The following GABRB2 variants were observed in gnomAD, a reference collection of about 807,000 sequenced individuals.
GABRB2 encodes gamma-aminobutyric acid receptor subunit beta-2.
A neutral mutation model predicts 54.7 loss-of-function variants in GABRB2; 16 were observed. The observed-to-expected ratio is 0.29, with a 90% CI of 0.20 to 0.44. The LOEUF (loss-of-function observed/expected upper bound fraction) is 0.44, where lower values mean the gene tolerates loss of function less well. GABRB2 is among the 20% of genes least tolerant of loss of function. The pLI is 1.00. For synonymous variants in GABRB2, 244 were observed against 233.8 expected (o/e 1.04, Z -0.40); for missense variants, 355 against 644.0 (o/e 0.55, Z 4.86).
intron 3 of GABRB2, among the ~76,000 whole-genome samples, chr5:161,541,022 T>C (rs1760794870): frequency 6.6e-6 from 1 of 152,038 alleles, no homozygotes; most frequent in Non-Finnish European, 1.5e-5. Context: ...ATTTTTGTAT[T>C]TTTTGTAGAG....
chr5:161,321,156 C>T (rs1476399285), intron 9 of GABRB2, among the ~76,000 whole-genome samples: 1 of 152,004 alleles, frequency 6.6e-6, no homozygotes, highest in African/African-American at 2.4e-5. Flanking sequence ...TTGAGAAACA[C>T]TGTCATAATG....
rs752236180 is a variant in GABRB2, at chr5:161,289,462, C to T, written c.*4619G>A. Reference sequence around the variant, plus strand: ...TGAAAGGAACAATACTACCTAAGGACAAAATACTATTATTAAAAAAAAAGT... The same window carrying T: ...TGAAAGGAACAATACTACCTAAGGATAAAATACTATTATTAAAAAAAAAGT... On this transcript the variant is annotated 3_prime_UTR_variant, in exon 10 of 10. Transcript: ENST00000393959. 2 of 150,234 alleles carry T rather than the reference C, an allele frequency of 1.3e-5. No individual in the cohort carries two copies. The highest frequency in any genetic ancestry group is 2.1e-4 in the South Asian group (1 of 4,748). 9.3% of individuals were successfully genotyped at this position (150,234 alleles called of 1,614,324 possible).
At chr5:161,537,954 C>T (rs764674336) in intron 3 of GABRB2, among the ~76,000 whole-genome samples, 1 of 151,866 alleles carries the variant, frequency 6.6e-6, no homozygotes, top group Non-Finnish European at 1.5e-5. Flanking sequence ...CTGCTTGGAA[C>T]ATCTATCCAC....
chr5:161,442,454 T>C (rs1476619306), intron 4 of GABRB2, among the ~76,000 whole-genome samples: 1 of 152,194 alleles, frequency 6.6e-6, no homozygotes, highest in African/African-American at 2.4e-5. Context: ...TACTGGCCTG[T>C]AGCCATATGG....
chr5:161,498,807 C>T (rs956784828), intron 3 of GABRB2, among the ~76,000 whole-genome samples: 3 of 152,228 alleles, frequency 2.0e-5, no homozygotes, highest in East Asian at 1.9e-4. Flanking sequence ...TAAAAGCCCT[C>T]GTGGCTTCTG....
chr5:161,518,493 G>A (rs1050705919), intron 3 of GABRB2, among the ~76,000 whole-genome samples: 2 of 152,120 alleles, frequency 1.3e-5, no homozygotes, highest in African/African-American at 4.8e-5. Context: ...TTTTGTGATG[G>A]TTCATAGTAA....
At chr5:161,305,684 C>T (rs905883052) in intron 9 of GABRB2, among the ~76,000 whole-genome samples, 5 of 152,194 alleles carry the variant, frequency 3.3e-5, no homozygotes, top group African/African-American at 1.2e-4. Context: ...GATTTTTGTA[C>T]ACACCATTTA....
At position 161,294,289 on chromosome 5, in the gene GABRB2, G is replaced by C. The variant is rs748111065; in HGVS notation, c.1331C>G (p.Ala444Gly). The change falls in exon 10 of 10, where the codon GCT becomes GGT. Residue 444 changes from alanine to glycine, a missense_variant. This residue lies in a region of GABRB2 where 201 missense variants were observed against 228.1 expected (regional missense o/e 0.88). Transcript: ENST00000393959. ...GCCAAAACTATGCCTGGGCAACCCA[G>C]CTTTCCGATACTGGATGCTGGAGGC... ...YDASSIQYRKAGLPRHSFGRN... is the reference protein window; with the variant it reads ...YDASSIQYRKGGLPRHSFGRN... The C allele has an allele frequency of 1.2e-6, 2 of 1,614,140 alleles. No homozygotes were observed. Among genetic ancestry groups the C allele is most frequent in the Non-Finnish European group, 8.5e-7 (1 of 1,180,012 alleles).
intron 5 of GABRB2, among the ~76,000 whole-genome samples, chr5:161,365,974 A>T (rs1391768795): frequency 6.6e-6 from 1 of 151,654 alleles, no homozygotes; most frequent in East Asian, 1.9e-4. Context: ...GGTTATACTT[A>T]GGTGAGCCTT....
intron 3 of GABRB2, among the ~76,000 whole-genome samples, chr5:161,512,927 AAG>A (rs2113408780): frequency 6.6e-6 from 1 of 152,184 alleles, no homozygotes; most frequent in South Asian, 2.1e-4. Flanking sequence ...GAAGACATAC[AAG>A]AGCAAACAAA....
chr5:161,511,449 A>G (rs1759764662), intron 3 of GABRB2, among the ~76,000 whole-genome samples: 1 of 152,072 alleles, frequency 6.6e-6, no homozygotes, highest in Non-Finnish European at 1.5e-5. Context: ...AGACAAAACC[A>G]AACAAGGCTT....
chr5:161,545,173 T>C, intron 3 of GABRB2, 54 bp downstream of exon 3: 1 of 1,423,218 alleles, frequency 7.0e-7, no homozygotes, highest in Non-Finnish European at 9.7e-7. Flanking sequence ...CATTTCTCCT[T>C]CCTGTCCCCA....
intron 3 of GABRB2, among the ~76,000 whole-genome samples, chr5:161,486,430 C>G (rs536384897): frequency 2.0e-5 from 3 of 151,894 alleles, no homozygotes; most frequent in African/African-American, 4.8e-5. Context: ...CTGGAAAATG[C>G]GCACTGTAAG....
intron 9 of GABRB2, among the ~76,000 whole-genome samples, chr5:161,306,222 C>G (rs1239984979): frequency 6.6e-6 from 1 of 152,212 alleles, no homozygotes; most frequent in East Asian, 1.9e-4. Flanking sequence ...TAACCTGCCT[C>G]TAGTTTTCTG....
At chr5:161,546,134 A>G (rs1245640521) in intron 2 of GABRB2, among the ~76,000 whole-genome samples, 188 bp downstream of exon 2, 1 of 152,238 alleles carries the variant, frequency 6.6e-6, no homozygotes, top group African/African-American at 2.4e-5. Context: ...GGTCTCATTG[A>G]AAGACCACGG....
chr5:161,533,514 A>T (rs1403744973), intron 3 of GABRB2, among the ~76,000 whole-genome samples: 1 of 152,164 alleles, frequency 6.6e-6, no homozygotes, highest in Non-Finnish European at 1.5e-5. Flanking sequence ...AGCTTAAAAA[A>T]TAGATTTCAT....
At chr5:161,422,484 C>G (rs1756879539) in intron 4 of GABRB2, among the ~76,000 whole-genome samples, 1 of 151,968 alleles carries the variant, frequency 6.6e-6, no homozygotes. Flanking sequence ...GTTAAAATAG[C>G]ATACAGGAAA....
chr5:161,361,861 C>A (rs1283347814), intron 5 of GABRB2, among the ~76,000 whole-genome samples: 2 of 152,100 alleles, frequency 1.3e-5, no homozygotes, highest in Non-Finnish European at 2.9e-5. Flanking sequence ...ATACATACCT[C>A]CTGAATGGTA....
rs370057910 is a variant in GABRB2, at chr5:161,334,780, G to A, written c.804C>T (p.Tyr268=). Reference sequence around the variant, plus strand: ...ATGCCACCCTTGCAGCTGAAGCATCGTAATTAATCCAGAAGGAGACCCAGG... The same window carrying A: ...ATGCCACCCTTGCAGCTGAAGCATCATAATTAATCCAGAAGGAGACCCAGG... ...ILSWVSFWIN[Y]DASAARVALG... is the part of the protein sequence containing the mutation. Residue 268 remains tyrosine (Y), a synonymous_variant, in exon 7 of 10, where the codon TAC becomes TAT. Transcript: ENST00000393959. The A allele has an allele frequency of 1.9e-5, 31 of 1,613,870 alleles. No individual in the cohort carries two copies. Among genetic ancestry groups the A allele is most frequent in the East Asian group, 1.1e-4 (5 of 44,884 alleles).
Sources: allele counts gnomAD v4.1 joint callset (sites outside exome capture counted in the v4.1 genomes callset), GRCh38; gene constraint gnomAD v4.1.1; regional missense constraint gnomAD v4.1.1; transcripts MANE v1.5; gene names NCBI Gene and HGNC (gene_info 2026-07-23, HGNC 2026-07-21).